Variants in BMP5 observed in about 807,000 individuals in gnomAD.
The protein encoded by BMP5 is bone morphogenetic protein 5.
BMP5 carries 23 observed loss-of-function variants against 46.6 expected under a neutral mutation model. That is an observed-to-expected ratio of 0.49 (90% confidence interval 0.35 to 0.70). The LOEUF is 0.70. Among genes scored for constraint, BMP5 ranks in the 30% least tolerant of loss-of-function variants. The pLI is 0.00. For missense variants in BMP5, 545 were observed against 565.6 expected (o/e 0.96, Z 0.37); for synonymous variants, 204 against 191.9 (o/e 1.06, Z -0.52).
At chr6:55,838,240 C>T (rs1434278414) in intron 1 of BMP5, among the ~76,000 whole-genome samples, 3 of 152,148 alleles carry the variant, frequency 2.0e-5, no homozygotes, top group Non-Finnish European at 4.4e-5. Context: ...AGTGGTTATA[C>T]TAATTTAGAT....
chr6:55,850,388 A>AGATAGAT (rs1777206999), intron 1 of BMP5, among the ~76,000 whole-genome samples: 1 of 149,310 alleles, frequency 6.7e-6, no homozygotes, highest in Non-Finnish European at 1.5e-5. Context: ...ATAGATAGAT[A>AGATAGAT]GATAGATCGA....
chr6:55,796,457 G>A (rs1775713600), intron 2 of BMP5, among the ~76,000 whole-genome samples: 2 of 150,600 alleles, frequency 1.3e-5, no homozygotes, highest in African/African-American at 4.9e-5. Flanking sequence ...CAGTTTAAAT[G>A]TATATATATA....
intron 3 of BMP5, 25 bp from the exon 4 acceptor site, chr6:55,774,268 G>A: frequency 6.2e-7 from 1 of 1,605,308 alleles, no homozygotes; most frequent in East Asian, 2.2e-5. Flanking sequence ...AAAAGCACTT[G>A]GTTTATGAAA....
At chr6:55,766,545 T>G (rs997253242) in intron 4 of BMP5, among the ~76,000 whole-genome samples, 1 of 152,108 alleles carries the variant, frequency 6.6e-6, no homozygotes, top group African/African-American at 2.4e-5. Flanking sequence ...ATCTATGATC[T>G]TCATTGCTTG....
chr6:55,808,293 G>A (rs903231395), intron 2 of BMP5, among the ~76,000 whole-genome samples: 1 of 152,164 alleles, frequency 6.6e-6, no homozygotes, highest in African/African-American at 2.4e-5. Context: ...TTGGCTGTGA[G>A]GGATACTTCT....
chr6:55,828,054 C>A (rs926142287), intron 1 of BMP5, among the ~76,000 whole-genome samples: 1 of 151,862 alleles, frequency 6.6e-6, no homozygotes, highest in African/African-American at 2.4e-5. Flanking sequence ...CTTGTGAATT[C>A]TTCTGCTCCA....
intron 3 of BMP5, 61 bp downstream of exon 3, chr6:55,794,218 A>C (rs1775650071): frequency 6.3e-7 from 1 of 1,576,124 alleles, no homozygotes; most frequent in Admixed American, 1.7e-5. Context: ...CACATAAAAA[A>C]CGATAACTCT....
At chr6:55,816,947 C>T (rs1221763517) in intron 2 of BMP5, among the ~76,000 whole-genome samples, 6 of 152,098 alleles carry the variant, frequency 3.9e-5, no homozygotes, top group African/African-American at 1.4e-4. Flanking sequence ...AGGACATGAA[C>T]AGACACTTCT....
At chr6:55,869,030 G>A (rs1384922302) in intron 1 of BMP5, among the ~76,000 whole-genome samples, 8 of 152,156 alleles carry the variant, frequency 5.3e-5, no homozygotes. Context: ...AACCCTTTCA[G>A]TGGTTCCTCT....
intron 1 of BMP5, among the ~76,000 whole-genome samples, chr6:55,850,407 G>T (rs1241298334): frequency 2.0e-5 from 3 of 150,870 alleles, no homozygotes; most frequent in Admixed American, 6.6e-5. Flanking sequence ...GATAGATATA[G>T]ATAGATAGAT....
intron 3 of BMP5, among the ~76,000 whole-genome samples, chr6:55,778,348 T>C (rs1318806657): frequency 6.6e-6 from 1 of 151,860 alleles, no homozygotes; most frequent in East Asian, 1.9e-4. Context: ...ATTGAAAGGG[T>C]TCTTGAAGGA....
intron 3 of BMP5, among the ~76,000 whole-genome samples, chr6:55,788,095 T>G (rs966638881): frequency 6.6e-6 from 1 of 151,636 alleles, no homozygotes; most frequent in Non-Finnish European, 1.5e-5. Context: ...TTCTACTGTT[T>G]AACGCTTACT....
At chr6:55,818,209 G>A (rs774289310) in intron 2 of BMP5, among the ~76,000 whole-genome samples, 1 of 151,318 alleles carries the variant, frequency 6.6e-6, no homozygotes, top group Admixed American at 6.6e-5. Context: ...TGTATACAGG[G>A]TGGATTCTAA....
chr6:55,826,794 G>T (rs75861488), intron 1 of BMP5, among the ~76,000 whole-genome samples: 1,948 of 151,570 alleles, frequency 0.013, 41 homozygotes, highest in African/African-American at 0.044. Context: ...ATCCAACAAG[G>T]TGGAGCTTCC....
At chr6:55,774,726 C>T (rs975173651) in intron 3 of BMP5, among the ~76,000 whole-genome samples, 3 of 151,902 alleles carry the variant, frequency 2.0e-5, no homozygotes, top group Non-Finnish European at 4.4e-5. Context: ...GCCTTTCCAC[C>T]TTCACTTCTG....
chr6:55,868,760 C>A (rs531952127), intron 1 of BMP5, among the ~76,000 whole-genome samples: 2 of 152,144 alleles, frequency 1.3e-5, no homozygotes, highest in African/African-American at 4.8e-5. Context: ...TTATTTTTAT[C>A]TTACTGTCAG....
chr6:55,851,151 T>C (rs1165823050), intron 1 of BMP5, among the ~76,000 whole-genome samples: 2 of 137,138 alleles, frequency 1.5e-5, no homozygotes, highest in Non-Finnish European at 3.2e-5. Context: ...TTTTTTTTTT[T>C]TACTTTAATA....
At chr6:55,814,884 CTT>C (rs1776217921) in intron 2 of BMP5, among the ~76,000 whole-genome samples, 1 of 152,108 alleles carries the variant, frequency 6.6e-6, no homozygotes, top group Non-Finnish European at 1.5e-5. Context: ...AATCCCAACA[CTT>C]TGGGAGGCTG....
chr6:55,791,197 C>T (rs1775565907), intron 3 of BMP5, among the ~76,000 whole-genome samples: 1 of 152,128 alleles, frequency 6.6e-6, no homozygotes, highest in African/African-American at 2.4e-5. Flanking sequence ...CTGTAATAAG[C>T]TGAAGCATCT....
Sources: allele counts gnomAD v4.1 joint callset (sites outside exome capture counted in the v4.1 genomes callset), GRCh38; gene constraint gnomAD v4.1.1; transcripts MANE v1.5; gene names NCBI Gene and HGNC (gene_info 2026-07-23, HGNC 2026-07-21).